The following NPAS2 variants were observed in gnomAD, a reference collection of about 807,000 sequenced individuals.
NPAS2 encodes the protein neuronal PAS domain protein 2.
Under a neutral mutation model 107.5 loss-of-function variants are expected in NPAS2, and 23 were observed. That is an observed-to-expected ratio of 0.21 (90% CI 0.15 to 0.30). The LOEUF (loss-of-function observed/expected upper bound fraction) is 0.30. Ranked by LOEUF, NPAS2 falls within the 10% of genes least tolerant of loss-of-function variation. The pLI is 1.00. For missense variants in NPAS2, 756 were observed against 1,043.3 expected (o/e 0.72, Z 3.79); for synonymous variants, 403 against 417.5 (o/e 0.97, Z 0.42).
rs767651028 is a variant in NPAS2, at chr2:100,990,898, G to A, written c.2111+26G>A. The A allele has an allele frequency of 5.0e-6, 8 of 1,599,980 alleles. No individual in the cohort carries two copies. In the South Asian group the frequency reaches 7.7e-5, roughly 15 times the overall value. The stretch of plus-strand genomic sequence containing the variant: ...GTACGTGGACCCTGGCGGGAGGCAG[G>A]AGGCAAGCGCTGGTGGAATGGTTCC... On this transcript the variant is annotated intron_variant, in intron 19 of 20. Transcript: ENST00000335681.
chr2:100,831,269 CTGGG>C (rs1212659755), intron 1 of NPAS2, among the ~76,000 whole-genome samples: 1 of 152,016 alleles, frequency 6.6e-6, no homozygotes, highest in East Asian at 1.9e-4. Flanking sequence ...GCACTCCAGC[CTGGG>C]TGACAAAGCA....
intron 1 of NPAS2, among the ~76,000 whole-genome samples, chr2:100,858,428 A>G (rs1317699125): frequency 6.6e-6 from 1 of 152,200 alleles, no homozygotes; most frequent in African/African-American, 2.4e-5. Context: ...TCTCACTTCT[A>G]TTAGTTACTT....
intron 1 of NPAS2, among the ~76,000 whole-genome samples, chr2:100,891,471 G>A (rs1010122155): frequency 1.3e-5 from 2 of 152,156 alleles, no homozygotes; most frequent in South Asian, 2.1e-4. Flanking sequence ...ATTTCTGACC[G>A]CTGTGCTGTG....
Position 100,949,380 on chromosome 2 carries a change from A to G in NPAS2, c.498A>G (p.Leu166=). 6.2e-7 allele frequency: 1 copy of G among 1,610,840 alleles called. No individual in the cohort carries two copies. Among genetic ancestry groups the G allele is most frequent in the African/African-American group, 1.3e-5 (1 of 74,998 alleles). ...SPEYLKSDSD[L]EFYCHLLRGS... ...TTAACGGCCCAGCTGACAGCGATTT[A>G]GAGTTTTATTGCCATCTTCTCAGAG... Residue 166 remains leucine (L), a synonymous_variant, in exon 7 of 21, where the codon TTA becomes TTG. Transcript: ENST00000335681.
chr2:100,949,350 T>A lies in NPAS2; in HGVS notation c.485-17T>A. 1 of 1,500,602 alleles carries A rather than the reference T, an allele frequency of 6.7e-7. No homozygotes were observed. Among genetic ancestry groups the A allele is most frequent in the East Asian group, 2.3e-5 (1 of 44,348 alleles). 93.0% of individuals were successfully genotyped at this position (1,500,602 alleles called of 1,614,324 possible). A position where few individuals can be genotyped will look rare whatever the true frequency, so the allele number is the denominator to read the frequency against. Reference sequence around the variant, plus strand: ...CTCACGACCCCTTTCTCTCCTCTTCTTCCTTTAACGGCCCAGCTGACAGCG... The same window carrying A: ...CTCACGACCCCTTTCTCTCCTCTTCATCCTTTAACGGCCCAGCTGACAGCG... On this transcript the variant is annotated splice_polypyrimidine_tract_variant and intron_variant, in intron 6 of 20. Coordinates refer to ENST00000335681, the MANE Select transcript of NPAS2 (RefSeq NM_002518.4).
At chr2:100,950,990 G>A (rs566512239) in intron 7 of NPAS2, among the ~76,000 whole-genome samples, 228 of 152,312 alleles carry the variant, frequency 1.5e-3, no homozygotes, top group African/African-American at 5.1e-3. Flanking sequence ...ACCCAGCATC[G>A]TACTAACCCT....
chr2:100,923,481 G>A (rs1683366044), intron 2 of NPAS2, among the ~76,000 whole-genome samples: 1 of 152,150 alleles, frequency 6.6e-6, no homozygotes, highest in South Asian at 2.1e-4. Context: ...TTGGAAATAC[G>A]TCCTTTTGTG....
chr2:100,987,119 T>G (rs973954483), intron 16 of NPAS2: 5 of 152,222 alleles, frequency 3.3e-5, no homozygotes, highest in African/African-American at 1.2e-4. Flanking sequence ...ATATTTTTAG[T>G]AGAGACAGGG....
chr2:100,875,505 C>CAG lies in NPAS2; in HGVS notation c.-22-29227_-22-29226dup, dbSNP rs1491250514. ...ACACACACACACACACACACACACA[C>CAG]AGCATGTAGGGATCACACAGATGTG... On this transcript the variant is annotated intron_variant, in intron 1 of 20. Coordinates refer to ENST00000335681, the MANE Select transcript of NPAS2 (RefSeq NM_002518.4). Among the ~76,000 whole-genome samples, 17 of 124,016 alleles carry CAG rather than the reference C, an allele frequency of 1.4e-4. No homozygotes were observed. In the East Asian group the frequency reaches 3.7e-3, roughly 27 times the overall value. The allele number at this position is 124,016 out of a possible 152,430, so 81.4% of individuals were successfully genotyped here.
intron 12 of NPAS2, chr2:100,972,703 T>A (rs1573759009): frequency 6.6e-6 from 1 of 152,328 alleles, no homozygotes; most frequent in Non-Finnish European, 1.5e-5. Flanking sequence ...ACATTATGTA[T>A]CACGTCATAG....
chr2:100,977,624 C>A, intron 14 of NPAS2, 86 bp from the exon 15 acceptor site: 1 of 1,187,130 alleles, frequency 8.4e-7, no homozygotes, highest in Non-Finnish European at 1.3e-6. Context: ...GTGCGGAACG[C>A]AGAGAACCCA....
chr2:100,819,584 G>A (rs1362446702), upstream of NPAS2, among the ~76,000 whole-genome samples: 2 of 152,188 alleles, frequency 1.3e-5, no homozygotes, highest in Admixed American at 1.3e-4. This position sits in a 1 kb window ranked among gnomAD's most constrained non-coding sequence, Gnocchi z 5.8. Context: ...TGCCCCTGGA[G>A]GACAGTGTGG....
rs138889820 is a variant in NPAS2, at chr2:100,898,973, T to A, written c.-22-5760T>A. 2.5e-3 allele frequency among the ~76,000 whole-genome samples: 388 copies of A among 152,220 alleles called. 3 individuals are homozygous for A. Among genetic ancestry groups the A allele is most frequent in the African/African-American group, 9.0e-3 (373 of 41,538 alleles). ...TAAGAAGGACACTTTATTTCCTGGG[T>A]CTTCCTCTCAAAAACCCGTATTCTG... On this transcript the variant is annotated intron_variant, in intron 1 of 20. Transcript: ENST00000335681.
intron 1 of NPAS2, chr2:100,878,100 A>G (rs2104614828): frequency 1.0e-6 from 1 of 985,320 alleles, no homozygotes; most frequent in Non-Finnish European, 1.2e-6. Context: ...CCCTATGTCC[A>G]CGGAAGGTTG....
At chr2:100,855,622 C>T (rs914171142) in intron 1 of NPAS2, among the ~76,000 whole-genome samples, 1 of 152,188 alleles carries the variant, frequency 6.6e-6, no homozygotes, top group Non-Finnish European at 1.5e-5. Flanking sequence ...CAGCTCTTTG[C>T]CCTCTTGTTG....
chr2:100,821,167 G>T (rs1024012938), intron 1 of NPAS2: 3 of 1,304,630 alleles, frequency 2.3e-6, no homozygotes, highest in Non-Finnish European at 3.0e-6. Context: ...AACCAGTCCC[G>T]CTCCTCTGCT....
At chr2:100,897,561 G>A (rs1368107200) in intron 1 of NPAS2, among the ~76,000 whole-genome samples, 2 of 152,068 alleles carry the variant, frequency 1.3e-5, no homozygotes, top group African/African-American at 2.4e-5. Context: ...CGCTTTCCTT[G>A]CTGTCTGGGG....
intron 2 of NPAS2, among the ~76,000 whole-genome samples, chr2:100,912,256 A>ATTTAT (rs3042781): frequency 9.1e-4 from 38 of 41,984 alleles, no homozygotes; most frequent in African/African-American, 3.2e-3. Context: ...TTATTTATTT[A>ATTTAT]TTATTATTAT....
chr2:100,827,220 G>C (rs1285862117), intron 1 of NPAS2, among the ~76,000 whole-genome samples: 1 of 152,156 alleles, frequency 6.6e-6, no homozygotes, highest in Non-Finnish European at 1.5e-5. Context: ...CCAGTCAGAT[G>C]GTAGGCTGCC....
Sources: gnomAD v4.1 joint callset for allele counts (sites outside exome capture counted in the v4.1 genomes callset) on GRCh38, gnomAD v4.1.1 for gene constraint, Gnocchi (gnomAD v3.1) non-coding constraint, MANE v1.5 for transcripts, NCBI Gene and HGNC (gene_info 2026-07-23, HGNC 2026-07-21) for gene names.